Variants in ZSWIM4 observed in about 807,000 individuals in gnomAD.
ZSWIM4 encodes zinc finger SWIM domain-containing protein 4.
Under a neutral mutation model 102.5 loss-of-function variants are expected in ZSWIM4, and 62 were observed. The observed-to-expected ratio is 0.60, with a 90% CI of 0.49 to 0.75. The LOEUF (loss-of-function observed/expected upper bound fraction) is 0.75, where lower values mean the gene tolerates loss of function less well. Ranked by LOEUF, ZSWIM4 falls within the 30% of genes least tolerant of loss-of-function variation. ZSWIM4 has a pLI of 0.00. For missense variants in ZSWIM4, 1,280 were observed against 1,529.6 expected, an observed-to-expected ratio of 0.84 and a Z score of 2.72; for synonymous variants, 652 against 674.5, an observed-to-expected ratio of 0.97 and a Z score of 0.52.
rs1975599142 is a variant in ZSWIM4, at chr19:13,825,943, G to A, written c.2379+230G>A. Among the ~76,000 whole-genome samples the A allele has an allele frequency of 6.6e-6, 1 of 152,162 alleles. No individual in the cohort carries two copies. Among genetic ancestry groups the A allele is most frequent in the South Asian group, 2.1e-4 (1 of 4,828 alleles). ...TGGCCTGAGTGTGGGCCACTTCCTT[G>A]GGGGCGTGGCATGAGTGAGCCACTC... is the stretch of plus-strand genomic sequence containing the variant. On this transcript the variant is annotated intron_variant, in intron 12 of 13. Coordinates refer to ENST00000590508, the MANE Select transcript of ZSWIM4 (RefSeq NM_001367834.3). The surrounding 1 kb of genome is among the most constrained non-coding windows in gnomAD (Gnocchi z 4.6).
intron 13 of ZSWIM4, 91 bp from the exon 14 acceptor site, chr19:13,830,100 T>C (rs1226244649): frequency 2.7e-6 from 4 of 1,478,272 alleles, no homozygotes; most frequent in African/African-American, 2.8e-5. Flanking sequence ...GAGGTGGAAG[T>C]GGAGGTGGCA....
intron 12 of ZSWIM4, among the ~76,000 whole-genome samples, chr19:13,826,548 C>T (rs1443086421): frequency 2.0e-5 from 3 of 151,960 alleles, no homozygotes; most frequent in East Asian, 3.9e-4. Flanking sequence ...GGGCAGATCA[C>T]GAGGCCAGGA....
At chr19:13,796,099 G>T (rs1292634291) in intron 1 of ZSWIM4, among the ~76,000 whole-genome samples, 1 of 149,592 alleles carries the variant, frequency 6.7e-6, no homozygotes, top group Admixed American at 6.7e-5. Flanking sequence ...CTGAGATCTG[G>T]CCCCCATGGC....
At chr19:13,795,894 C>A in intron 1 of ZSWIM4, 93 bp downstream of exon 1, 2 of 870,576 alleles carry the variant, frequency 2.3e-6, no homozygotes, top group Non-Finnish European at 2.9e-6. Context: ...GACTCCAGAG[C>A]TAACCCAATC....
rs1347371100 is a variant in ZSWIM4 at position 13,825,423 on chromosome 19, G to A, written c.2216-127G>A. On this transcript the variant is annotated intron_variant, in intron 11 of 13. Coordinates refer to ENST00000590508, the MANE Select transcript of ZSWIM4 (RefSeq NM_001367834.3). This position sits in a 1 kb window ranked among gnomAD's most constrained non-coding sequence, Gnocchi z 4.6. ...TGAATCTTCACAGAACCATGGCCCAGTACACATCCCTCCACACTCACACAT... is the reference window on the plus strand; with the variant it reads ...TGAATCTTCACAGAACCATGGCCCAATACACATCCCTCCACACTCACACAT... 2 of 1,158,588 alleles carry A rather than the reference G, an allele frequency of 1.7e-6. No individual in the cohort carries two copies. Among genetic ancestry groups the A allele is most frequent in the Non-Finnish European group, 2.5e-6 (2 of 801,298 alleles). The allele number at this position is 1,158,588 out of a possible 1,614,324, so 71.8% of individuals were successfully genotyped here.
chr19:13,818,049 T>A, intron 9 of ZSWIM4, 73 bp downstream of exon 9: 2 of 1,423,348 alleles, frequency 1.4e-6, no homozygotes, highest in Non-Finnish European at 1.8e-6. Context: ...GCGGCCCGGT[T>A]GCTGCCAGAT....
At position 13,825,615 on chromosome 19, in the gene ZSWIM4, C is replaced by T. The variant is rs1292438632; in HGVS notation, c.2281C>T (p.Leu761Phe). 1 of 1,614,212 alleles carries T rather than the reference C, an allele frequency of 6.2e-7. No individual in the cohort carries two copies. Among genetic ancestry groups the T allele is most frequent in the South Asian group, 1.1e-5 (1 of 91,092 alleles). Residue 761 changes from leucine (L) to phenylalanine (F), a missense_variant, in exon 12 of 14, where the codon CTC becomes TTC. By Grantham distance (22) the Leu-to-Phe change is conservative (BLOSUM62 0). Coordinates refer to ENST00000590508, the MANE Select transcript of ZSWIM4 (RefSeq NM_001367834.3). The surrounding 1 kb of genome is among the most constrained non-coding windows in gnomAD (Gnocchi z 4.6). Reference protein sequence around the residue: ...IQQNIHSPALLFKLAQDACKT... With the variant: ...IQQNIHSPALFFKLAQDACKT... ...GCAGAACATCCACTCTCCGGCCCTG[C>T]TCTTTAAGCTGGCGCAGGACGCCTG...
rs1231135534 is a variant in ZSWIM4 at position 13,818,045 on chromosome 19, C to G, written c.1924+69C>G. 11 of 1,423,378 alleles carry G rather than the reference C, an allele frequency of 7.7e-6. No homozygotes were observed. The Admixed American group carries it at 3.0e-4, about 38-fold the overall frequency. The allele number at this position is 1,423,378 out of a possible 1,614,324, so 88.2% of individuals were successfully genotyped here. ...TCCAGCCCCTGGTCCTGTAGCGGCC[C>G]GGTTGCTGCCAGATGGGAGGCCCCG... is the stretch of plus-strand genomic sequence containing the variant. On this transcript the variant is annotated intron_variant, in intron 9 of 13. Transcript: ENST00000590508.
chr19:13,808,641 AGGC>A (rs1974981422), intron 3 of ZSWIM4, among the ~76,000 whole-genome samples, 192 bp from the exon 4 acceptor site: 1 of 151,694 alleles, frequency 6.6e-6, no homozygotes, highest in Non-Finnish European at 1.5e-5. Context: ...TGGGAGGCTA[AGGC>A]AGGAGAATCA....
At chr19:13,815,581 C>T (rs1045470822) in intron 7 of ZSWIM4, among the ~76,000 whole-genome samples, 7 of 149,656 alleles carry the variant, frequency 4.7e-5, no homozygotes, top group South Asian at 2.1e-4. Context: ...AGCAATTCTC[C>T]GGCCTCAGCC....
At chr19:13,806,386 A>T (rs1723232683) in intron 3 of ZSWIM4, among the ~76,000 whole-genome samples, 1 of 151,886 alleles carries the variant, frequency 6.6e-6, no homozygotes, top group South Asian at 2.1e-4. Context: ...GGGAATTGGA[A>T]GCTGAGTGTG....
At chr19:13,808,297 G>A (rs541033780) in intron 3 of ZSWIM4, among the ~76,000 whole-genome samples, 1 of 151,706 alleles carries the variant, frequency 6.6e-6, no homozygotes, top group South Asian at 2.1e-4. Flanking sequence ...AGCTAGTCAT[G>A]TTTAGGACAA....
In ZSWIM4 at chr19:13,817,754, C is replaced by A. The variant is rs1317749448; in HGVS notation, c.1702C>A (p.Gln568Lys). The change falls in exon 9 of 14, where the codon CAG becomes AAG. Residue 568 changes from glutamine to lysine, a missense_variant. Gln to Lys is a moderately conservative substitution (Grantham distance 53, BLOSUM62 1). Transcript: ENST00000590508. Reference protein sequence around the residue: ...SGPEKRKVAYQHVPVPGSPGE... With the variant: ...SGPEKRKVAYKHVPVPGSPGE... Reference sequence around the variant, plus strand: ...CCCCGAGAAGCGGAAGGTGGCCTACCAGCACGTGCCTGTGCCCGGGAGCCC... The same window carrying A: ...CCCCGAGAAGCGGAAGGTGGCCTACAAGCACGTGCCTGTGCCCGGGAGCCC... 1 of 1,606,144 alleles carries A rather than the reference C, an allele frequency of 6.2e-7. No individual in the cohort carries two copies.
At chr19:13,807,770 G>C (rs868026283) in intron 3 of ZSWIM4, among the ~76,000 whole-genome samples, 34 of 150,712 alleles carry the variant, frequency 2.3e-4, no homozygotes, top group South Asian at 1.7e-3. Flanking sequence ...TGGATGGATG[G>C]ATGGATGGAT....
chr19:13,823,402 A>T lies in ZSWIM4; in HGVS notation c.2117A>T (p.Asp706Val). ...GGAGAACCTCATCCCAGCCCGCTGG[A>T]CTCCATCATGAGCAACCGCTTCCCC... ...PAGEPHPSPL[D>V]SIMSNRFPRW... Residue 706 changes from aspartate (D) to valine (V), a missense_variant, in exon 11 of 14, where the codon GAC becomes GTC. Coordinates refer to ENST00000590508, the MANE Select transcript of ZSWIM4 (RefSeq NM_001367834.3). The T allele has an allele frequency of 1.9e-6, 3 of 1,613,492 alleles. No homozygotes were observed. In the South Asian group the frequency reaches 3.3e-5, roughly 18 times the overall value.
intron 8 of ZSWIM4, 143 bp downstream of exon 8, chr19:13,817,496 G>T: frequency 8.2e-7 from 1 of 1,213,746 alleles, no homozygotes. Context: ...TCTGGCCAGT[G>T]CCCAGAGCCA....
intron 1 of ZSWIM4, among the ~76,000 whole-genome samples, chr19:13,799,398 C>A (rs902936234): frequency 6.6e-6 from 1 of 151,582 alleles, no homozygotes; most frequent in Non-Finnish European, 1.5e-5. Flanking sequence ...CTCAGCCTCC[C>A]GAGCAGCTGG....
At chr19:13,824,746 T>C (rs1975559782) in intron 11 of ZSWIM4, among the ~76,000 whole-genome samples, 1 of 61,392 alleles carries the variant, frequency 1.6e-5, no homozygotes, top group Non-Finnish European at 3.0e-5. Context: ...ATAATAATAA[T>C]AATAATAATA....
intron 3 of ZSWIM4, among the ~76,000 whole-genome samples, chr19:13,808,177 A>C (rs1974969558): frequency 6.6e-6 from 1 of 152,124 alleles, no homozygotes; most frequent in South Asian, 2.1e-4. Context: ...ACCTCCCTCC[A>C]TGCCCCACTT....
Sources: gnomAD v4.1 joint callset for allele counts (sites outside exome capture counted in the v4.1 genomes callset) on GRCh38, gnomAD v4.1.1 for gene constraint, Gnocchi (gnomAD v3.1) non-coding constraint, MANE v1.5 for transcripts, NCBI Gene and HGNC (gene_info 2026-07-23, HGNC 2026-07-21) for gene names.